Variants in C10orf90 observed in about 807,000 individuals in gnomAD.
The protein encoded by C10orf90 is (E2-independent) E3 ubiquitin-conjugating enzyme FATS.
In C10orf90, 56 loss-of-function variants were observed where a neutral mutation model predicts 62.5. The observed-to-expected ratio is 0.90, with a 90% CI of 0.72 to 1.12. C10orf90 has a LOEUF of 1.12. Among genes scored for constraint, C10orf90 ranks in the 50% most tolerant of loss-of-function variants. The pLI, the probability that C10orf90 is intolerant of heterozygous loss-of-function variation, is 0.00. For synonymous variants in C10orf90, 386 were observed against 340.4 expected (o/e 1.13, Z -1.47); for missense variants, 970 against 880.4 (o/e 1.10, Z -1.29).
chr10:126,540,741 A>G (rs1864357419), intron 2 of C10orf90, among the ~76,000 whole-genome samples: 1 of 152,120 alleles, frequency 6.6e-6, no homozygotes, highest in South Asian at 2.1e-4. Context: ...CATACTGCAT[A>G]TCGAAACCTA....
At chr10:126,580,993 T>C (rs1844739197) in intron 2 of C10orf90, among the ~76,000 whole-genome samples, 2 of 152,124 alleles carry the variant, frequency 1.3e-5, no homozygotes, top group African/African-American at 4.8e-5. Context: ...GCGGGAGGCA[T>C]AGATTTACCT....
At position 126,459,221 on chromosome 10, in the gene C10orf90, T is replaced by C; in HGVS notation, c.2011-4A>G. On this transcript the variant is annotated splice_region_variant and splice_polypyrimidine_tract_variant and intron_variant, in intron 6 of 9. Coordinates refer to ENST00000488181, the MANE Select transcript of C10orf90 (RefSeq NM_001350921.2). ...GCTTACGAACTTCCAGTGCTTCCTATGCAAAGCAAAGAAAATACGTCATTT... is the reference window on the plus strand; with the variant it reads ...GCTTACGAACTTCCAGTGCTTCCTACGCAAAGCAAAGAAAATACGTCATTT... The C allele has an allele frequency of 6.2e-7, 1 of 1,613,504 alleles. No homozygotes were observed. Among genetic ancestry groups the C allele is most frequent in the Non-Finnish European group, 8.5e-7 (1 of 1,180,016 alleles).
intron 4 of C10orf90, among the ~76,000 whole-genome samples, chr10:126,468,830 G>T (rs1860424480): frequency 6.6e-6 from 1 of 152,162 alleles, no homozygotes; most frequent in African/African-American, 2.4e-5. Flanking sequence ...GCCCATGCAG[G>T]TCCTTAGGAC....
intron 2 of C10orf90, among the ~76,000 whole-genome samples, chr10:126,579,270 TC>T: frequency 7.6e-6 from 1 of 131,582 alleles, no homozygotes; most frequent in Admixed American, 7.7e-5. Flanking sequence ...TTTCTTTCTT[TC>T]TTTCTTTTTT....
intron 4 of C10orf90, among the ~76,000 whole-genome samples, chr10:126,498,884 C>T (rs1390895101): frequency 6.6e-6 from 1 of 152,202 alleles, no homozygotes; most frequent in African/African-American, 2.4e-5. Context: ...TCTGCCCAGT[C>T]CTGCTTCCCT....
At chr10:126,664,343 C>T (rs963076798) in intron 1 of C10orf90, among the ~76,000 whole-genome samples, 13 of 152,164 alleles carry the variant, frequency 8.5e-5, no homozygotes, top group South Asian at 2.1e-4. Context: ...TTCTTGGTGC[C>T]GTGGCTCTGT....
At chr10:126,487,681 C>T (rs1400293748) in intron 4 of C10orf90, among the ~76,000 whole-genome samples, 1 of 152,064 alleles carries the variant, frequency 6.6e-6, no homozygotes, top group African/African-American at 2.4e-5. Context: ...CACTTTGATG[C>T]ACCACCAAAA....
chr10:126,548,558 A>G (rs1287409318), intron 2 of C10orf90, among the ~76,000 whole-genome samples: 1 of 151,766 alleles, frequency 6.6e-6, no homozygotes, highest in East Asian at 2.0e-4. Flanking sequence ...GTAGAGATGG[A>G]GTTTCACCAT....
intron 2 of C10orf90, among the ~76,000 whole-genome samples, chr10:126,593,203 T>C (rs927270388): frequency 1.3e-5 from 2 of 151,948 alleles, no homozygotes; most frequent in Non-Finnish European, 2.9e-5. Context: ...CCAAAAGGAA[T>C]ATGAATCATT....
chr10:126,432,302 A>G (rs1285319715), intron 7 of C10orf90, among the ~76,000 whole-genome samples: 1 of 152,144 alleles, frequency 6.6e-6, no homozygotes, highest in Non-Finnish European at 1.5e-5. Flanking sequence ...CCTGACCAAG[A>G]ACTCCTCCAT....
intron 2 of C10orf90, among the ~76,000 whole-genome samples, chr10:126,550,873 C>T (rs889348607): frequency 1.3e-5 from 2 of 152,166 alleles, no homozygotes; most frequent in African/African-American, 4.8e-5. Flanking sequence ...TTAAAACCTT[C>T]AACTAAAAAC....
At chr10:126,564,725 A>C (rs1203159355) in intron 2 of C10orf90, among the ~76,000 whole-genome samples, 3 of 141,252 alleles carry the variant, frequency 2.1e-5, no homozygotes, top group Non-Finnish European at 4.5e-5. Context: ...CTGACTACTG[A>C]GTGTCCTTCA....
intron 4 of C10orf90, among the ~76,000 whole-genome samples, chr10:126,502,288 T>A (rs1257681029): frequency 1.3e-5 from 2 of 152,220 alleles, no homozygotes; most frequent in East Asian, 3.8e-4. Flanking sequence ...TCCCCTGGTG[T>A]CTGTGACTAT....
At chr10:126,583,027 A>AT (rs1844785337) in intron 2 of C10orf90, among the ~76,000 whole-genome samples, 1 of 152,276 alleles carries the variant, frequency 6.6e-6, no homozygotes, top group African/African-American at 2.4e-5. Context: ...TGTGCTGTGC[A>AT]TTTTAGGATG....
chr10:126,589,957 T>G (rs974069972), intron 2 of C10orf90, among the ~76,000 whole-genome samples: 5 of 151,980 alleles, frequency 3.3e-5, no homozygotes, highest in Non-Finnish European at 7.4e-5. Flanking sequence ...CCCATCTCAC[T>G]TGCAAAAACA....
intron 2 of C10orf90, among the ~76,000 whole-genome samples, chr10:126,537,143 A>G (rs1276140824): frequency 6.6e-6 from 1 of 152,176 alleles, no homozygotes; most frequent in African/African-American, 2.4e-5. Context: ...CAGCAGTCAA[A>G]TCACCCTGAT....
Position 126,574,619 on chromosome 10 carries a change from C to T in C10orf90, c.314-60680G>A, listed in dbSNP as rs139614784. On this transcript the variant is annotated intron_variant, in intron 2 of 9. Transcript: ENST00000488181. ...ATGCAAGGGTGGCTTAACAATAAAT[C>T]AATCAATGCAATATACAACATTAAT... Among the ~76,000 whole-genome samples, 65 of 151,914 alleles carry T rather than the reference C, an allele frequency of 4.3e-4. No homozygotes were observed. The East Asian group carries it at 0.012, about 28-fold the overall frequency.
intron 4 of C10orf90, among the ~76,000 whole-genome samples, chr10:126,486,631 T>C (rs1325347541): frequency 1.3e-5 from 2 of 152,154 alleles, no homozygotes; most frequent in Non-Finnish European, 2.9e-5. Flanking sequence ...CATGAGACTA[T>C]AAAGATTACC....
At chr10:126,471,014 T>C (rs1860558283) in intron 4 of C10orf90, among the ~76,000 whole-genome samples, 1 of 152,188 alleles carries the variant, frequency 6.6e-6, no homozygotes, top group Non-Finnish European at 1.5e-5. Flanking sequence ...TTCAGCACAT[T>C]TCTGTTCAAT....
Sources: gnomAD v4.1 joint callset for allele counts (sites outside exome capture counted in the v4.1 genomes callset) on GRCh38, gnomAD v4.1.1 for gene constraint, MANE v1.5 for transcripts, NCBI Gene and HGNC (gene_info 2026-07-23, HGNC 2026-07-21) for gene names.